Variants in CHIA observed in about 807,000 individuals in gnomAD.
CHIA encodes chitinase acidic.
In CHIA, 47 loss-of-function variants were observed where a neutral mutation model predicts 53.5. The observed-to-expected ratio is 0.88, with a 90% CI of 0.70 to 1.12. CHIA has a LOEUF of 1.12. Ranked by LOEUF, CHIA falls within the 50% of genes most tolerant of loss-of-function variation. CHIA has a pLI of 0.00. For missense variants in CHIA, 652 were observed against 592.2 expected (o/e 1.10, Z -1.05); for synonymous variants, 268 against 222.2 (o/e 1.21, Z -1.83).
chr1:111,318,812 A>T, intron 9 of CHIA, 134 bp downstream of exon 9: 1 of 999,224 alleles, frequency 1.0e-6, no homozygotes, highest in Admixed American at 2.8e-5. Context: ...AAGTGTTTAA[A>T]TAGCATTCAT....
At chr1:111,317,386 T>G (rs1427307720) in intron 6 of CHIA, 1 of 303,412 alleles carries the variant, frequency 3.3e-6, no homozygotes, top group East Asian at 7.0e-5. Flanking sequence ...AGTATAGAGA[T>G]ACAATGGAGC....
rs766721992 is a variant in CHIA at position 111,312,332 on chromosome 1, C to G, written c.198C>G (p.Ile66Met). Residue 66 changes from isoleucine to methionine, a missense_variant, in exon 4 of 12, where the codon ATC (isoleucine) becomes ATG (methionine). Coordinates refer to ENST00000369740, the MANE Select transcript of CHIA (RefSeq NM_201653.4). ...YAFAGRQNNE[I>M]TTIEWNDVTL... is the part of the protein sequence containing the mutation. ...TTGCTGGGAGGCAGAACAACGAGAT[C>G]ACCACCATCGAATGGAATGATGTGA... 6.2e-7 allele frequency: 1 copy of G among 1,614,152 alleles called. No individual in the cohort carries two copies. Among genetic ancestry groups the G allele is most frequent in the Non-Finnish European group, 8.5e-7 (1 of 1,179,990 alleles).
At chr1:111,304,939 T>C (rs1419507755) in intron 1 of CHIA, among the ~76,000 whole-genome samples, 2 of 152,220 alleles carry the variant, frequency 1.3e-5, no homozygotes, top group South Asian at 2.1e-4. Context: ...TTGTATTTTT[T>C]ATTTTTTAGA....
intron 1 of CHIA, among the ~76,000 whole-genome samples, chr1:111,304,368 T>G (rs1648008084): frequency 6.6e-6 from 1 of 152,164 alleles, no homozygotes. Flanking sequence ...TCCCACAATG[T>G]ATATGTTGGT....
chr1:111,306,453 A>G (rs1287143882), intron 1 of CHIA, among the ~76,000 whole-genome samples: 1 of 152,230 alleles, frequency 6.6e-6, no homozygotes, highest in East Asian at 1.9e-4. Flanking sequence ...CAAAAGATAA[A>G]TTTGATAAAT....
At chr1:111,305,468 C>T (rs1648105345) in intron 1 of CHIA, among the ~76,000 whole-genome samples, 1 of 152,022 alleles carries the variant, frequency 6.6e-6, no homozygotes, top group South Asian at 2.1e-4. Flanking sequence ...TTTTTGCCCA[C>T]CCTGGCTCCC....
chr1:111,315,368 A>C lies in CHIA; in HGVS notation c.413A>C (p.Asp138Ala). ...RQYEFDGLDF[D>A]WEYPGSRGSP... ...TATGAGTTTGACGGGCTGGACTTTG[A>C]CTGGGAGTACCCTGGCTCTCGTGGG... The change falls in exon 6 of 12, where the codon GAC becomes GCC. Residue 138 changes from aspartate (D) to alanine (A), a missense_variant. Transcript: ENST00000369740. The C allele has an allele frequency of 6.2e-7, 1 of 1,613,840 alleles. No homozygotes were observed. The highest frequency in any genetic ancestry group is 1.7e-4 in the Middle Eastern group (1 of 6,038).
intron 1 of CHIA, among the ~76,000 whole-genome samples, chr1:111,296,832 G>T (rs954354487): frequency 4.6e-5 from 7 of 152,104 alleles, no homozygotes; most frequent in African/African-American, 1.7e-4. Context: ...TTTGAAAAAA[G>T]GTTAGACGAA....
intron 1 of CHIA, among the ~76,000 whole-genome samples, chr1:111,302,439 G>T (rs540684495): frequency 1.3e-5 from 2 of 152,128 alleles, no homozygotes; most frequent in Admixed American, 6.5e-5. Flanking sequence ...CATAAGTTTT[G>T]CTATGTTATG....
intron 2 of CHIA, 22 bp downstream of exon 2, chr1:111,310,514 G>C: frequency 6.2e-7 from 1 of 1,614,126 alleles, no homozygotes; most frequent in Non-Finnish European, 8.5e-7. Context: ...ATCAGAGATT[G>C]ACCCTTCATC....
chr1:111,304,560 C>A (rs1337981688), intron 1 of CHIA, among the ~76,000 whole-genome samples: 1 of 152,140 alleles, frequency 6.6e-6, no homozygotes, highest in East Asian at 1.9e-4. Flanking sequence ...AGTTATATTA[C>A]TTTTTAGCTC....
intron 1 of CHIA, among the ~76,000 whole-genome samples, chr1:111,310,041 G>C (rs1648534034): frequency 6.6e-6 from 1 of 152,154 alleles, no homozygotes; most frequent in Admixed American, 6.6e-5. Flanking sequence ...GGAAAAAAAG[G>C]TTTAAGAACA....
intron 1 of CHIA, among the ~76,000 whole-genome samples, chr1:111,295,497 A>T: frequency 6.6e-6 from 1 of 152,206 alleles, no homozygotes; most frequent in East Asian, 1.9e-4. Flanking sequence ...ACAATTGTTC[A>T]TAAAAGCCTC....
At chr1:111,300,241 C>A (rs1245753164) in intron 1 of CHIA, among the ~76,000 whole-genome samples, 1 of 152,104 alleles carries the variant, frequency 6.6e-6, no homozygotes, top group Non-Finnish European at 1.5e-5. Flanking sequence ...CTTTAAAGTT[C>A]ATATGGAACC....
chr1:111,319,465 G>T lies in CHIA; in HGVS notation c.1174G>T (p.Ala392Ser). Residue 392 changes from alanine (A) to serine (S), a missense_variant, in exon 11 of 12, where the codon GCA (alanine) becomes TCA (serine). Ala to Ser is a moderately conservative substitution (Grantham distance 99, BLOSUM62 1). Transcript: ENST00000369740. ...GAAGAAGGCCCTCGGCCTGCAGAGT[G>T]CAAGTAAGTGACTGAGGGGGAATGC... is the stretch of plus-strand genomic sequence containing the variant. ...TLKKALGLQS[A>S]SCTAPAQPIE... 6.2e-7 allele frequency: 1 copy of T among 1,613,682 alleles called. No individual in the cohort carries two copies. Among genetic ancestry groups the T allele is most frequent in the Non-Finnish European group, 8.5e-7 (1 of 1,179,898 alleles).
chr1:111,317,638 A>C lies in CHIA; in HGVS notation c.481-43A>C, dbSNP rs749158171. Reference sequence around the variant, plus strand: ...TTATTAGTATTATTTAAGGAGCTAAAATCAGCATCATAGATGTCCTATTAT... The same window carrying C: ...TTATTAGTATTATTTAAGGAGCTAACATCAGCATCATAGATGTCCTATTAT... On this transcript the variant is annotated intron_variant, in intron 6 of 11. Transcript: ENST00000369740. 7.4e-6 allele frequency: 12 copies of C among 1,611,436 alleles called. No homozygotes were observed. In the South Asian group the frequency reaches 9.9e-5, roughly 13 times the overall value.
intron 7 of CHIA, 72 bp downstream of exon 7, chr1:111,317,877 C>T (rs1199776952): frequency 1.2e-6 from 2 of 1,610,256 alleles, no homozygotes; most frequent in Non-Finnish European, 1.7e-6. Context: ...CTTGGTCTGG[C>T]TTGCTATTCA....
At chr1:111,310,568 G>A in intron 2 of CHIA, 76 bp downstream of exon 2, 1 of 1,610,722 alleles carries the variant, frequency 6.2e-7, no homozygotes, top group Non-Finnish European at 8.5e-7. Context: ...AAATCATGAA[G>A]TGGTCTTCAT....
chr1:111,318,366 T>C (rs1231414860), intron 8 of CHIA, 127 bp from the exon 9 acceptor site: 2 of 944,102 alleles, frequency 2.1e-6, no homozygotes, highest in Non-Finnish European at 3.1e-6. Context: ...CAAAATGTTT[T>C]GAAAAAAATA....
Sources: allele counts gnomAD v4.1 joint callset (sites outside exome capture counted in the v4.1 genomes callset), GRCh38; gene constraint gnomAD v4.1.1; transcripts MANE v1.5; gene names NCBI Gene and HGNC (gene_info 2026-07-23, HGNC 2026-07-21).